PCM1: variants seen among roughly 807,000 people sequenced by gnomAD.
The protein encoded by PCM1 is pericentriolar material 1 protein.
In PCM1, 157 loss-of-function variants were observed where a neutral mutation model predicts 241.9. That is an observed-to-expected ratio of 0.65 (90% CI 0.57 to 0.74). The LOEUF is 0.74. Ranked by LOEUF, PCM1 falls within the 30% of genes least tolerant of loss-of-function variation. The pLI is 0.00. For synonymous variants in PCM1, 1,085 were observed against 784.9 expected, an observed-to-expected ratio of 1.38 and a Z score of -6.39; for missense variants, 3,478 against 2,360.1, an observed-to-expected ratio of 1.47 and a Z score of -9.81.
chr8:17,952,222 C>CT (rs2066299838), intron 8 of PCM1, among the ~76,000 whole-genome samples: 1 of 83,512 alleles, frequency 1.2e-5, no homozygotes, highest in South Asian at 3.0e-4. Context: ...GACTTTGTCT[C>CT]AAAAATAAAT....
At chr8:17,924,467 C>T (rs1447114499) in intron 1 of PCM1, among the ~76,000 whole-genome samples, 1 of 152,054 alleles carries the variant, frequency 6.6e-6, no homozygotes, top group African/African-American at 2.4e-5. Context: ...TACACTGTTC[C>T]GAAATAGATA....
intron 36 of PCM1, among the ~76,000 whole-genome samples, chr8:18,024,251 A>T (rs1268712238): frequency 6.6e-6 from 1 of 152,176 alleles, no homozygotes; most frequent in Non-Finnish European, 1.5e-5. Context: ...CTGTGGTCCT[A>T]GCTACTCAGG....
At chr8:17,945,292 A>G (rs919478351) in intron 6 of PCM1, among the ~76,000 whole-genome samples, 1 of 152,132 alleles carries the variant, frequency 6.6e-6, no homozygotes, top group African/African-American at 2.4e-5. Context: ...CTCCCCTTAT[A>G]TAGGATAGGA....
chr8:17,962,893 A>T (rs927602922), intron 16 of PCM1: 3 of 445,334 alleles, frequency 6.7e-6, no homozygotes, highest in African/African-American at 6.3e-5. Context: ...ACAGAGTGAG[A>T]CTCTGTCTCA....
chr8:17,992,847 T>G (rs2085238340), intron 28 of PCM1, among the ~76,000 whole-genome samples: 1 of 151,726 alleles, frequency 6.6e-6, no homozygotes. Context: ...GAACTCCTGG[T>G]CTCAAGTGAT....
chr8:17,995,021 T>C (rs2086163320), intron 29 of PCM1, among the ~76,000 whole-genome samples: 1 of 151,536 alleles, frequency 6.6e-6, no homozygotes, highest in Non-Finnish European at 1.5e-5. Context: ...GCAGAAGCTT[T>C]TTAACTTGAT....
At chr8:17,951,485 T>C (rs2065990684) in intron 8 of PCM1, among the ~76,000 whole-genome samples, 2 of 152,222 alleles carry the variant, frequency 1.3e-5, no homozygotes, top group African/African-American at 2.4e-5. Flanking sequence ...AACTCTGTGT[T>C]AATAGCAAAT....
At chr8:17,956,542 A>T in intron 10 of PCM1, 62 bp from the exon 11 acceptor site, 1 of 1,000,998 alleles carries the variant, frequency 1.0e-6, no homozygotes, top group Non-Finnish European at 1.5e-6. Flanking sequence ...ATATGAAAAT[A>T]ATGTCTGTAT....
chr8:17,960,414 A>G lies in PCM1; in HGVS notation c.2292A>G (p.Gln764=), dbSNP rs762398542. ...TGATTGACATTCAGGAGAAAATTCA[A>G]GCATTGCAAACGGCATGCCCTGACT... The part of the protein sequence containing the change: ...KKLIDIQEKI[Q]ALQTACPDLQ... Residue 764 remains glutamine, a synonymous_variant, in exon 15 of 39, where the codon CAA becomes CAG. Transcript: ENST00000325083. The G allele has an allele frequency of 2.5e-6, 4 of 1,604,652 alleles. No individual in the cohort carries two copies. The highest frequency in any genetic ancestry group is 4.5e-5 in the East Asian group (2 of 44,554).
rs2092945144 is a variant in PCM1 at position 18,014,616 on chromosome 8, TA to T, written c.5618del (p.Tyr1873SerfsTer11). On this transcript the variant is annotated frameshift_variant, in exon 36 of 39. Coordinates refer to ENST00000325083, the MANE Select transcript of PCM1 (RefSeq NM_006197.4). LOFTEE classifies it high-confidence loss of function. ...DQNNCPVKPC[Y>X]LNILEDEQPL... ...AAATAACTGTCCTGTGAAACCCTGT[TA>T]CCTCAATATCTTGGAAGATGAGCAA... The T allele has an allele frequency of 6.2e-7, 1 of 1,611,822 alleles. No individual in the cohort carries two copies. Among genetic ancestry groups the T allele is most frequent in the African/African-American group, 1.3e-5 (1 of 74,904 alleles).
chr8:17,927,950 A>C (rs950752537), intron 2 of PCM1: 3 of 151,532 alleles, frequency 2.0e-5, no homozygotes, highest in African/African-American at 7.3e-5. Flanking sequence ...AAAAAAAAAA[A>C]AAAACCACTA....
At chr8:17,983,359 G>A (rs1314839446) in intron 24 of PCM1, 3 of 891,784 alleles carry the variant, frequency 3.4e-6, no homozygotes, top group Admixed American at 5.1e-5. Flanking sequence ...AGGTTTTATT[G>A]TCCTGATTTT....
At position 18,011,359 on chromosome 8, in the gene PCM1, G is replaced by A. The variant is rs748887084; in HGVS notation, c.5343G>A (p.Val1781=). 6.9e-6 allele frequency: 11 copies of A among 1,590,022 alleles called. No individual in the cohort carries two copies. Among genetic ancestry groups the A allele is most frequent in the Non-Finnish European group, 9.4e-6 (11 of 1,171,638 alleles). ...ATGAAGAAAGTGAAGGATGTCCAGT[G>A]TCTATTAGTAAGTTTAAAGGCTCTG... ...EEDEESEGCP[V]SINLSKAETQ... is the part of the protein sequence containing the mutation. The change falls in exon 33 of 39, where the codon GTG becomes GTA. Residue 1781 remains valine, a synonymous_variant. Transcript: ENST00000325083.
At chr8:17,996,240 A>G (rs1454555074) in intron 29 of PCM1, among the ~76,000 whole-genome samples, 1 of 152,158 alleles carries the variant, frequency 6.6e-6, no homozygotes, top group South Asian at 2.1e-4. Context: ...GGCTTTTATC[A>G]TGAAAGGATG....
Position 17,953,052 on chromosome 8 carries a change from C to G in PCM1, c.1154C>G (p.Ala385Gly), listed in dbSNP as rs755201226. Reference protein sequence around the residue: ...REVSQSRKPSASERLPDEKVE... With the variant: ...REVSQSRKPSGSERLPDEKVE... Reference sequence around the variant, plus strand: ...GTTTCCCAGAGCAGGAAACCATCAGCTTCAGAACGTTTACCTGATGAGAAA... The same window carrying G: ...GTTTCCCAGAGCAGGAAACCATCAGGTTCAGAACGTTTACCTGATGAGAAA... Residue 385 changes from alanine (A) to glycine (G), a missense_variant, in exon 9 of 39, where the codon GCT becomes GGT. Coordinates refer to ENST00000325083, the MANE Select transcript of PCM1 (RefSeq NM_006197.4). 4.4e-6 allele frequency: 7 copies of G among 1,607,004 alleles called. No homozygotes were observed. In the East Asian group the frequency reaches 1.6e-4, roughly 36 times the overall value.
chr8:18,004,409 G>C (rs930861177), intron 29 of PCM1, among the ~76,000 whole-genome samples: 8 of 152,116 alleles, frequency 5.3e-5, no homozygotes, highest in Admixed American at 4.6e-4. Context: ...AGCATATCTA[G>C]AGTTACCTAA....
At chr8:17,979,617 A>G (rs1001498588) in intron 23 of PCM1, among the ~76,000 whole-genome samples, 3 of 152,232 alleles carry the variant, frequency 2.0e-5, no homozygotes, top group African/African-American at 7.2e-5. Flanking sequence ...AAAAAGCTAT[A>G]AAGTATTTTT....
intron 29 of PCM1, among the ~76,000 whole-genome samples, chr8:18,000,563 C>G (rs965621558): frequency 2.0e-5 from 3 of 149,016 alleles, no homozygotes; most frequent in African/African-American, 7.5e-5. Context: ...GGAGGAAATA[C>G]GATTTACCAA....
At chr8:17,986,373 T>C (rs2082602003) in intron 26 of PCM1, 2 of 191,752 alleles carry the variant, frequency 1.0e-5, no homozygotes, top group South Asian at 3.8e-4. Context: ...TAAAAGACAT[T>C]TACAAATGTA....
Sources: allele counts gnomAD v4.1 joint callset (sites outside exome capture counted in the v4.1 genomes callset), GRCh38; gene constraint gnomAD v4.1.1; transcripts MANE v1.5; gene names NCBI Gene and HGNC (gene_info 2026-07-23, HGNC 2026-07-21).